AP1G1: variants seen among roughly 807,000 people sequenced by gnomAD.
The protein encoded by AP1G1 is AP-1 complex subunit gamma-1.
Under a neutral mutation model 108.3 loss-of-function variants are expected in AP1G1, and 7 were observed. The observed-to-expected ratio is 0.06, with a 90% CI of 0.04 to 0.12. The LOEUF is 0.12. Among genes scored for constraint, AP1G1 ranks in the 10% least tolerant of loss-of-function variants. AP1G1 has a pLI of 1.00. For missense variants in AP1G1, 756 were observed against 1,010.7 expected, an observed-to-expected ratio of 0.75 and a Z score of 3.42; for synonymous variants, 379 against 353.5, an observed-to-expected ratio of 1.07 and a Z score of -0.81.
intron 22 of AP1G1, 32 bp from the exon 23 acceptor site, chr16:71,733,191 T>C (rs1248066357): frequency 2.0e-6 from 3 of 1,533,588 alleles, no homozygotes; most frequent in Non-Finnish European, 2.7e-6. Flanking sequence ...GCAAATTATA[T>C]ACTGAAATGA....
chr16:71,766,255 T>C (rs2031308115), intron 6 of AP1G1, among the ~76,000 whole-genome samples: 1 of 152,192 alleles, frequency 6.6e-6, no homozygotes, highest in Admixed American at 6.5e-5. Context: ...TTTTTTTAAA[T>C]TTCAGGACTT....
intron 3 of AP1G1, among the ~76,000 whole-genome samples, chr16:71,773,750 C>T (rs1328564415): frequency 6.6e-6 from 1 of 152,026 alleles, no homozygotes; most frequent in Non-Finnish European, 1.5e-5. Flanking sequence ...CGAGACCAGC[C>T]TGGCCAACAT....
intron 21 of AP1G1, among the ~76,000 whole-genome samples, chr16:71,736,117 AATAT>A (rs1306238313): frequency 0.01 from 737 of 71,418 alleles, 22 homozygotes; most frequent in Middle Eastern, 0.023. Context: ...AAAAAAAAAA[AATAT>A]ATATATATAT....
rs149867815 is a variant in AP1G1, at chr16:71,738,901, T to A, written c.2268+41A>T. ...CACATGAAAAAAAAAAGCCAGCCAA[T>A]CTTTAATCAAAGGAAACATCTAAAG... On this transcript the variant is annotated intron_variant, in intron 21 of 22. Coordinates refer to ENST00000299980, the MANE Select transcript of AP1G1 (RefSeq NM_001128.6). 7.8e-6 allele frequency: 12 copies of A among 1,541,016 alleles called. No homozygotes were observed. The African/African-American group carries it at 9.8e-5, about 13-fold the overall frequency.
intron 11 of AP1G1, 22 bp from the exon 12 acceptor site, chr16:71,756,181 A>C (rs371296339): frequency 6.3e-7 from 1 of 1,599,452 alleles, no homozygotes. Context: ...GAAAAATTAA[A>C]AACAGTTAAG....
intron 1 of AP1G1, among the ~76,000 whole-genome samples, chr16:71,791,276 A>G (rs2032389916): frequency 6.6e-6 from 1 of 152,108 alleles, no homozygotes; most frequent in African/African-American, 2.4e-5. Context: ...CAGAACTGTA[A>G]AACAATAAAC....
chr16:71,773,135 T>G (rs1274449834), intron 4 of AP1G1, 86 bp downstream of exon 4: 1 of 1,439,794 alleles, frequency 6.9e-7, no homozygotes, highest in Non-Finnish European at 9.7e-7. Flanking sequence ...TACATTATCA[T>G]CAGATCTTTC....
intron 6 of AP1G1, among the ~76,000 whole-genome samples, chr16:71,768,465 C>T (rs1483653168): frequency 3.4e-5 from 4 of 118,086 alleles, no homozygotes; most frequent in Non-Finnish European, 6.4e-5. Flanking sequence ...TGCACCACTG[C>T]ACCTCAGCCT....
In AP1G1 at chr16:71,729,016, A is replaced by G. The variant is rs577568245; in HGVS notation, c.*4042T>C. 5.9e-5 allele frequency: 9 copies of G among 152,722 alleles called. No homozygotes were observed. Among genetic ancestry groups the G allele is most frequent in the African/African-American group, 2.2e-4 (9 of 41,590 alleles). The allele number at this position is 152,722 out of a possible 1,614,324, so 9.5% of individuals were successfully genotyped here. Reference sequence around the variant, plus strand: ...GGAAGCAAATTTTAAATCATTGGGTATTGACTTTTTATTATTAGTCACTGT... The same window carrying G: ...GGAAGCAAATTTTAAATCATTGGGTGTTGACTTTTTATTATTAGTCACTGT... On this transcript the variant is annotated 3_prime_UTR_variant, in exon 23 of 23. Coordinates refer to ENST00000299980, the MANE Select transcript of AP1G1 (RefSeq NM_001128.6).
In AP1G1 at chr16:71,734,720, A is replaced by G. The variant is rs1424920709; in HGVS notation, c.2269-13T>C. The G allele has an allele frequency of 3.7e-6, 6 of 1,601,332 alleles. No homozygotes were observed. Among genetic ancestry groups the G allele is most frequent in the Middle Eastern group, 3.3e-4 (2 of 6,042 alleles). ...GCAGCTGGAATGTCTAGGGGGGAAC[A>G]AAGGGCACTCTTCAGAAAAAGAATT... On this transcript the variant is annotated splice_polypyrimidine_tract_variant and intron_variant, in intron 21 of 22. Coordinates refer to ENST00000299980, the MANE Select transcript of AP1G1 (RefSeq NM_001128.6).
intron 13 of AP1G1, chr16:71,751,177 C>A (rs928688809): frequency 6.0e-5 from 9 of 150,372 alleles, no homozygotes; most frequent in South Asian, 2.1e-4. Flanking sequence ...AAAAAAATTT[C>A]TCTTTGTCCA....
At position 71,739,324 on chromosome 16, in the gene AP1G1, G is replaced by A; in HGVS notation, c.2017C>T (p.Pro673Ser). ...INLTGAPAAA[P>S]APASVPQISQ... ...ATCTGTGGGACTGAGGCAGGGGCAG[G>A]AGCAGCAGCTGGAGCACCTAAAGGA... Residue 673 changes from proline to serine, a missense_variant, in exon 20 of 23, where the codon CCT (proline) becomes TCT (serine). Coordinates refer to ENST00000299980, the MANE Select transcript of AP1G1 (RefSeq NM_001128.6). The A allele has an allele frequency of 1.2e-6, 2 of 1,603,096 alleles. No homozygotes were observed. The highest frequency in any genetic ancestry group is 1.3e-5 in the African/African-American group (1 of 74,208).
Position 71,777,106 on chromosome 16 carries a change from CAAAAAAAAAAAAAA to C in AP1G1, c.202-2528_202-2515del, listed in dbSNP as rs57955419. 1.6e-3 allele frequency among the ~76,000 whole-genome samples: 79 copies of C among 48,070 alleles called. 2 individuals carry two copies. Among genetic ancestry groups the C allele is most frequent in the South Asian group, 2.5e-3 (2 of 794 alleles). 31.5% of individuals were successfully genotyped at this position (48,070 alleles called of 152,430 possible). ...GCCTAGGAAAACAGCCAAACTGTTA[CAAAAAAAAAAAAAA>C]AAAAAAAAAAAAAACTATACCAAAA... On this transcript the variant is annotated intron_variant, in intron 2 of 22. Coordinates refer to ENST00000299980, the MANE Select transcript of AP1G1 (RefSeq NM_001128.6).
chr16:71,760,831 A>G (rs12929547), intron 10 of AP1G1, among the ~76,000 whole-genome samples: 137,316 of 152,278 alleles, frequency 0.9, 62,215 homozygotes, highest in East Asian at 0.99. Flanking sequence ...ACAGGGGTGA[A>G]CCACTACGCC....
At chr16:71,748,842 C>A (rs767946856) in intron 15 of AP1G1, among the ~76,000 whole-genome samples, 1 of 151,978 alleles carries the variant, frequency 6.6e-6, no homozygotes, top group Non-Finnish European at 1.5e-5. Context: ...GAGACTTGGG[C>A]CTAAAGTGGT....
chr16:71,806,582 C>T, intron 1 of AP1G1: 1 of 672,140 alleles, frequency 1.5e-6, no homozygotes, highest in Non-Finnish European at 2.2e-6. Flanking sequence ...GCATGAAAAA[C>T]ACTGAGTTAA....
chr16:71,799,431 C>T (rs1300145933), intron 1 of AP1G1, among the ~76,000 whole-genome samples: 2 of 152,072 alleles, frequency 1.3e-5, no homozygotes, highest in African/African-American at 4.8e-5. Context: ...TACATCCACG[C>T]TATAAGACAC....
intron 12 of AP1G1, among the ~76,000 whole-genome samples, chr16:71,754,703 A>T (rs1393001234): frequency 6.6e-6 from 1 of 152,170 alleles, no homozygotes; most frequent in Non-Finnish European, 1.5e-5. Flanking sequence ...CAGGAGGCTG[A>T]GGCAGAAGGA....
intron 2 of AP1G1, among the ~76,000 whole-genome samples, chr16:71,779,995 GTTTTTTTTTT>G (rs573581952): frequency 7.7e-6 from 1 of 129,636 alleles, no homozygotes; most frequent in African/African-American, 2.8e-5. Context: ...GTTTTTTTTT[GTTTTTTTTTT>G]TTTTTTGAGA....
Sources: gnomAD v4.1 joint callset for allele counts (sites outside exome capture counted in the v4.1 genomes callset) on GRCh38, gnomAD v4.1.1 for gene constraint, MANE v1.5 for transcripts, NCBI Gene and HGNC (gene_info 2026-07-23, HGNC 2026-07-21) for gene names.